XRCC4: variants seen among roughly 807,000 people sequenced by gnomAD.
XRCC4 encodes DNA repair protein XRCC4.
In XRCC4, 28 loss-of-function variants were observed where a neutral mutation model predicts 39.1. That is an observed-to-expected ratio of 0.72 (90% CI 0.53 to 0.98). The LOEUF (loss-of-function observed/expected upper bound fraction) is 0.98. Ranked by LOEUF, XRCC4 falls within the 50% of genes least tolerant of loss-of-function variation. The probability of loss-of-function intolerance (pLI) is 0.00; values close to 1 mark genes in which losing one functional copy is unlikely to be tolerated. For synonymous variants in XRCC4, 123 were observed against 126.4 expected (o/e 0.97, Z 0.18); for missense variants, 350 against 376.4 (o/e 0.93, Z 0.58).
rs140626998 is a variant in XRCC4 at position 83,284,092 on chromosome 5, A to G, written c.893+25415A>G. On this transcript the variant is annotated intron_variant, in intron 7 of 7. Coordinates refer to ENST00000396027, the MANE Select transcript of XRCC4 (RefSeq NM_003401.5). ...AAAAAAAAAAAACGAATAATTCATG[A>G]TGAAAGGTAATCAAATACATAAAAT... 8.2e-4 allele frequency among the ~76,000 whole-genome samples: 118 copies of G among 143,828 alleles called. 1 individual carries two copies. The highest frequency in any genetic ancestry group is 2.8e-3 in the African/African-American group (109 of 39,078). 94.4% of individuals were successfully genotyped at this position (143,828 alleles called of 152,430 possible). A position where few individuals can be genotyped will look rare whatever the true frequency, so the allele number is the denominator to read the frequency against.
chr5:83,115,625 CAT>C (rs752512018), intron 3 of XRCC4, among the ~76,000 whole-genome samples: 15 of 152,254 alleles, frequency 9.9e-5, no homozygotes, highest in Non-Finnish European at 1.9e-4. Flanking sequence ...ATCAAAGACT[CAT>C]AATAATCCTG....
chr5:83,147,173 T>C, intron 3 of XRCC4, among the ~76,000 whole-genome samples: 1 of 152,136 alleles, frequency 6.6e-6, no homozygotes, highest in Admixed American at 6.5e-5. Context: ...CCTGTAGTCC[T>C]AGCTATTTGG....
At chr5:83,296,997 G>C (rs1255515482) in intron 7 of XRCC4, among the ~76,000 whole-genome samples, 1 of 151,800 alleles carries the variant, frequency 6.6e-6, no homozygotes, top group Non-Finnish European at 1.5e-5. Context: ...CATTCAGATT[G>C]TACAAAAACC....
At chr5:83,320,036 G>A (rs1304421773) in intron 7 of XRCC4, among the ~76,000 whole-genome samples, 1 of 150,966 alleles carries the variant, frequency 6.6e-6, no homozygotes, top group Non-Finnish European at 1.5e-5. Flanking sequence ...CATAAATAAT[G>A]ATGAGTTCAT....
downstream of XRCC4, among the ~76,000 whole-genome samples, chr5:83,357,805 C>T (rs1270322145): frequency 6.6e-6 from 1 of 152,158 alleles, no homozygotes; most frequent in African/African-American, 2.4e-5. Context: ...CAAGAGGTCT[C>T]TTGATAGAGC....
chr5:83,141,100 A>G (rs1451122544), intron 3 of XRCC4, among the ~76,000 whole-genome samples: 2 of 152,238 alleles, frequency 1.3e-5, no homozygotes, highest in Non-Finnish European at 2.9e-5. Context: ...TTTACATAGC[A>G]ATGTATTCTG....
At chr5:83,094,656 A>G (rs572318613) in intron 1 of XRCC4, among the ~76,000 whole-genome samples, 39 of 150,262 alleles carry the variant, frequency 2.6e-4, no homozygotes, top group African/African-American at 8.8e-4. Context: ...TTAATTTTCT[A>G]TTTATATATT....
intron 3 of XRCC4, among the ~76,000 whole-genome samples, chr5:83,119,623 A>T (rs1311702141): frequency 6.6e-6 from 1 of 152,108 alleles, no homozygotes; most frequent in Non-Finnish European, 1.5e-5. Context: ...AAATATTTTA[A>T]AGTCATTATA....
intron 7 of XRCC4, among the ~76,000 whole-genome samples, chr5:83,339,640 T>A (rs1053780154): frequency 3.9e-5 from 6 of 151,900 alleles, no homozygotes; most frequent in Non-Finnish European, 8.8e-5. Flanking sequence ...AAAAAAAAAT[T>A]CAAGCTGTAG....
At chr5:83,112,335 C>T (rs1478553206) in intron 3 of XRCC4, among the ~76,000 whole-genome samples, 1 of 152,200 alleles carries the variant, frequency 6.6e-6, no homozygotes, top group Non-Finnish European at 1.5e-5. Flanking sequence ...GCAGACTCTT[C>T]TAATGTTTTG....
intron 6 of XRCC4, among the ~76,000 whole-genome samples, chr5:83,244,285 C>CT (rs933870263): frequency 1.2e-4 from 19 of 152,004 alleles, no homozygotes; most frequent in African/African-American, 4.6e-4. Context: ...ATTTTGTTGT[C>CT]TTTCTTTAAA....
intron 6 of XRCC4, among the ~76,000 whole-genome samples, chr5:83,213,846 A>G (rs1054826400): frequency 2.6e-5 from 4 of 152,246 alleles, no homozygotes; most frequent in African/African-American, 9.6e-5. Context: ...AGCTCCATAC[A>G]GAAAGAATTA....
intron 3 of XRCC4, among the ~76,000 whole-genome samples, chr5:83,158,622 G>A (rs559335052): frequency 1.3e-5 from 2 of 152,172 alleles, no homozygotes; most frequent in East Asian, 1.9e-4. Flanking sequence ...GACAATTTGA[G>A]GTTAGGCTTT....
rs543741839 is a variant in XRCC4 at position 83,315,558 on chromosome 5, G to C, written c.894-37573G>C. Among the ~76,000 whole-genome samples, 4 of 152,264 alleles carry C rather than the reference G, an allele frequency of 2.6e-5. No homozygotes were observed. In the South Asian group the frequency reaches 8.3e-4, roughly 32 times the overall value. On this transcript the variant is annotated intron_variant, in intron 7 of 7. Coordinates refer to ENST00000396027, the MANE Select transcript of XRCC4 (RefSeq NM_003401.5). ...GGCTTTCTTGATAGTGGCTAATGCA[G>C]CTGGTAACTTTAAGTTGAAGCCAGT...
intron 3 of XRCC4, among the ~76,000 whole-genome samples, chr5:83,148,922 G>C (rs1309195432): frequency 6.6e-6 from 1 of 152,034 alleles, no homozygotes; most frequent in African/African-American, 2.4e-5. Flanking sequence ...TACATTTTTT[G>C]TAACAGTGTT....
chr5:83,102,474 C>G (rs1745985738), intron 1 of XRCC4, among the ~76,000 whole-genome samples: 1 of 152,060 alleles, frequency 6.6e-6, no homozygotes, highest in African/African-American at 2.4e-5. Context: ...TTCTTTGGGA[C>G]AGGCATAGAC....
chr5:83,260,166 C>G (rs1164599594), intron 7 of XRCC4, among the ~76,000 whole-genome samples: 2 of 152,048 alleles, frequency 1.3e-5, no homozygotes, highest in African/African-American at 4.8e-5. Context: ...AGCTTATAAC[C>G]CCTTGATAGA....
chr5:83,256,683 C>T (rs1027168201), intron 6 of XRCC4, among the ~76,000 whole-genome samples: 3 of 151,358 alleles, frequency 2.0e-5, no homozygotes, highest in African/African-American at 7.3e-5. Context: ...TTATCTATTC[C>T]CCATACATTT....
intron 7 of XRCC4, among the ~76,000 whole-genome samples, chr5:83,285,534 C>T (rs1316677663): frequency 1.3e-5 from 2 of 151,916 alleles, no homozygotes; most frequent in East Asian, 3.9e-4. Flanking sequence ...CTTTGGAATC[C>T]CTATGTAATT....
Sources: allele counts gnomAD v4.1 joint callset (sites outside exome capture counted in the v4.1 genomes callset), GRCh38; gene constraint gnomAD v4.1.1; transcripts MANE v1.5; gene names NCBI Gene and HGNC (gene_info 2026-07-23, HGNC 2026-07-21).